The following AKAIN1 variants were observed in gnomAD, a reference collection of about 807,000 sequenced individuals.
The protein encoded by AKAIN1 is A-kinase anchor protein inhibitor 1.
Under a neutral mutation model 3.7 loss-of-function variants are expected in AKAIN1, and 3 were observed. The ratio of observed to expected loss-of-function variants is 0.82; its 90% CI spans 0.37 to 2.12. The LOEUF is 2.12. Among genes scored for constraint, AKAIN1 ranks in the 30% most tolerant of loss-of-function variants. AKAIN1 has a pLI of 0.06. For synonymous variants in AKAIN1, 31 were observed against 30.8 expected, an observed-to-expected ratio of 1.01 and a Z score of -0.02; for missense variants, 82 against 82.7, an observed-to-expected ratio of 0.99 and a Z score of 0.03.
Position 5,144,509 on chromosome 18 carries a change from T to A in AKAIN1, c.*1053A>T, listed in dbSNP as rs114826382. Reference sequence around the variant, plus strand: ...TTTATTACACGTGTACACACACATATCTCTGTCACTGCATTCAAAACACTG... The same window carrying A: ...TTTATTACACGTGTACACACACATAACTCTGTCACTGCATTCAAAACACTG... On this transcript the variant is annotated 3_prime_UTR_variant, in exon 2 of 2. Coordinates refer to ENST00000434239, the MANE Select transcript of AKAIN1 (RefSeq NM_001145194.2). Among the ~76,000 whole-genome samples, 1 of 152,218 alleles carries A rather than the reference T, an allele frequency of 6.6e-6. No individual in the cohort carries two copies. The highest frequency in any genetic ancestry group is 2.4e-5 in the African/African-American group (1 of 41,454).
intron 1 of AKAIN1, among the ~76,000 whole-genome samples, chr18:5,146,977 A>C (rs1463674340): frequency 6.6e-6 from 1 of 152,214 alleles, no homozygotes; most frequent in African/African-American, 2.4e-5. Context: ...TAAAAACAAA[A>C]TCTTAATTTT....
chr18:5,195,109 T>C (rs2071340416), intron 1 of AKAIN1, among the ~76,000 whole-genome samples: 1 of 151,584 alleles, frequency 6.6e-6, no homozygotes, highest in Non-Finnish European at 1.5e-5. Context: ...CCCAAATGCT[T>C]ATGATTTTTC....
intron 1 of AKAIN1, among the ~76,000 whole-genome samples, chr18:5,182,909 T>C (rs1315163555): frequency 6.6e-6 from 1 of 152,036 alleles, no homozygotes; most frequent in Non-Finnish European, 1.5e-5. Flanking sequence ...TCTTATATCC[T>C]CTAACTCTGA....
intron 1 of AKAIN1, 139 bp from the exon 2 acceptor site, chr18:5,145,894 G>A: frequency 1.5e-6 from 1 of 670,724 alleles, no homozygotes. Flanking sequence ...ACTATGAGAA[G>A]CCCACTAGAG....
intron 1 of AKAIN1, among the ~76,000 whole-genome samples, chr18:5,179,959 C>T (rs1236360378): frequency 1.3e-5 from 2 of 152,136 alleles, no homozygotes; most frequent in Non-Finnish European, 2.9e-5. Flanking sequence ...CACTCACAAA[C>T]AGAGCCCCAT....
chr18:5,177,994 T>C (rs1002312062), intron 1 of AKAIN1, among the ~76,000 whole-genome samples: 3 of 152,076 alleles, frequency 2.0e-5, no homozygotes, highest in Non-Finnish European at 2.9e-5. Context: ...TGTGACTCTT[T>C]ATCCATCTAA....
intron 1 of AKAIN1, among the ~76,000 whole-genome samples, chr18:5,179,360 C>T (rs1415605580): frequency 6.6e-6 from 1 of 151,694 alleles, no homozygotes; most frequent in East Asian, 1.9e-4. Context: ...AGTCATGTTG[C>T]CACAAAAGAC....
intron 1 of AKAIN1, among the ~76,000 whole-genome samples, chr18:5,186,883 A>T (rs963148122): frequency 6.6e-6 from 1 of 152,190 alleles, no homozygotes; most frequent in Non-Finnish European, 1.5e-5. Flanking sequence ...CAATAACAAA[A>T]ATTCATCCAG....
chr18:5,157,106 C>A (rs796745429), intron 1 of AKAIN1, among the ~76,000 whole-genome samples: 3 of 152,220 alleles, frequency 2.0e-5, no homozygotes, highest in Admixed American at 6.5e-5. Context: ...AAATGATTAA[C>A]CAAGATGAAG....
intron 1 of AKAIN1, among the ~76,000 whole-genome samples, chr18:5,195,000 T>G (rs950373401): frequency 6.6e-6 from 1 of 152,216 alleles, no homozygotes; most frequent in Non-Finnish European, 1.5e-5. Context: ...TCTGCTTTTC[T>G]TTCAGAATAA....
rs2143299842 is a variant in AKAIN1, at chr18:5,144,973, A to C, written c.*589T>G. The stretch of plus-strand genomic sequence containing the variant: ...AAAGACTGAGTTCTTGAGAAACTTA[A>C]ACTCCTCCCTTTCTTAAAATAACAT... On this transcript the variant is annotated 3_prime_UTR_variant, in exon 2 of 2. Coordinates refer to ENST00000434239, the MANE Select transcript of AKAIN1 (RefSeq NM_001145194.2). Among the ~76,000 whole-genome samples, 1 of 152,332 alleles carries C rather than the reference A, an allele frequency of 6.6e-6. No individual in the cohort carries two copies. The highest frequency in any genetic ancestry group is 2.1e-4 in the South Asian group (1 of 4,834).
chr18:5,164,458 C>A (rs2071156656), intron 1 of AKAIN1, among the ~76,000 whole-genome samples: 1 of 151,946 alleles, frequency 6.6e-6, no homozygotes, highest in Non-Finnish European at 1.5e-5. Flanking sequence ...ATAAATTTAC[C>A]TCTAGAAAAG....
chr18:5,193,982 G>C (rs2071334990), intron 1 of AKAIN1, among the ~76,000 whole-genome samples: 1 of 152,110 alleles, frequency 6.6e-6, no homozygotes, highest in African/African-American at 2.4e-5. Flanking sequence ...TTCAGTTTAT[G>C]GGGGTGGGAG....
Position 5,166,885 on chromosome 18 carries a change from T to C in AKAIN1, c.17-21130A>G, listed in dbSNP as rs188304133. 5.1e-4 allele frequency among the ~76,000 whole-genome samples: 77 copies of C among 152,234 alleles called. 2 individuals carry two copies. Among genetic ancestry groups the C allele is most frequent in the African/African-American group, 1.7e-3 (72 of 41,568 alleles). On this transcript the variant is annotated intron_variant, in intron 1 of 1. Coordinates refer to ENST00000434239, the MANE Select transcript of AKAIN1 (RefSeq NM_001145194.2). Reference sequence around the variant, plus strand: ...TTTAAACATGTTTCTGCTCCTAAAATCACATCTTCTATAACATTTTTCACC... The same window carrying C: ...TTTAAACATGTTTCTGCTCCTAAAACCACATCTTCTATAACATTTTTCACC...
At chr18:5,148,760 G>A (rs1308983664) in intron 1 of AKAIN1, among the ~76,000 whole-genome samples, 1 of 152,040 alleles carries the variant, frequency 6.6e-6, no homozygotes, top group Non-Finnish European at 1.5e-5. Flanking sequence ...GGGAGGTTGA[G>A]GTGCAAGAAT....
At chr18:5,149,925 C>T (rs1004980206) in intron 1 of AKAIN1, among the ~76,000 whole-genome samples, 2 of 152,146 alleles carry the variant, frequency 1.3e-5, no homozygotes, top group African/African-American at 4.8e-5. Flanking sequence ...AGCAATCCTC[C>T]AGCCTCAGAC....
chr18:5,191,108 C>T (rs2054229114), intron 1 of AKAIN1, among the ~76,000 whole-genome samples: 1 of 152,068 alleles, frequency 6.6e-6, no homozygotes, highest in Admixed American at 6.6e-5. Flanking sequence ...AATGCTTTCC[C>T]CTAAGATTGT....
intron 1 of AKAIN1, among the ~76,000 whole-genome samples, chr18:5,164,148 C>T (rs1319052836): frequency 1.3e-5 from 2 of 151,986 alleles, no homozygotes; most frequent in South Asian, 2.1e-4. Context: ...AGTGAAAAAA[C>T]CCAAGTGATA....
At position 5,175,816 on chromosome 18, in the gene AKAIN1, T is replaced by G. The variant is rs551263834; in HGVS notation, c.16+21222A>C. Among the ~76,000 whole-genome samples, 21 of 147,302 alleles carry G rather than the reference T, an allele frequency of 1.4e-4. No individual in the cohort carries two copies. The East Asian group carries it at 2.9e-3, about 20-fold the overall frequency. On this transcript the variant is annotated intron_variant, in intron 1 of 1. Transcript: ENST00000434239. ...ATGCTCATAACTTTAAATTATAGGG[T>G]TTTTTTTAACTTAGTTAAACATGAA...
Sources: allele counts gnomAD v4.1 joint callset (sites outside exome capture counted in the v4.1 genomes callset), GRCh38; gene constraint gnomAD v4.1.1; transcripts MANE v1.5; gene names NCBI Gene and HGNC (gene_info 2026-07-23, HGNC 2026-07-21).